Variants in DRC7 observed in about 807,000 individuals in gnomAD.
DRC7 encodes the protein dynein regulatory complex subunit 7.
In DRC7, 80 loss-of-function variants were observed where a neutral mutation model predicts 104.4. The observed-to-expected ratio is 0.77, with a 90% CI of 0.64 to 0.92. The LOEUF (loss-of-function observed/expected upper bound fraction) is 0.92, where lower values mean the gene tolerates loss of function less well. Ranked by LOEUF, DRC7 falls within the 40% of genes least tolerant of loss-of-function variation. The pLI is 0.00. For synonymous variants in DRC7, 405 were observed against 447.3 expected, an observed-to-expected ratio of 0.91 and a Z score of 1.19; for missense variants, 1,034 against 1,141.1, an observed-to-expected ratio of 0.91 and a Z score of 1.35.
intron 14 of DRC7, chr16:57,726,512 G>A (rs1299753919): frequency 1.7e-6 from 1 of 577,534 alleles, no homozygotes. Flanking sequence ...AGGCTAAGAC[G>A]ACTCTGCAGT....
intron 17 of DRC7, among the ~76,000 whole-genome samples, chr16:57,729,924 G>A (rs2049036339): frequency 7.7e-6 from 1 of 129,880 alleles, no homozygotes; most frequent in Non-Finnish European, 1.7e-5. Context: ...GTGGATGGAT[G>A]AGTGGGTGGG....
chr16:57,731,173 A>G lies in DRC7; in HGVS notation c.2540A>G (p.Glu847Gly), dbSNP rs752298452. Residue 847 changes from glutamate (E) to glycine (G), a missense_variant, in exon 19 of 19, where the codon GAA becomes GGA. Coordinates refer to ENST00000360716, the MANE Select transcript of DRC7 (RefSeq NM_001289162.2). ...ILEQRLNRHK[E>G]LAPLKYLALE... The stretch of plus-strand genomic sequence containing the variant: ...TGCCTCTCTGACTTCAGACACAAGG[A>G]ACTGGCCCCACTGAAGTACCTGGCT... The G allele has an allele frequency of 5.6e-6, 9 of 1,613,892 alleles. No homozygotes were observed. The South Asian group carries it at 8.8e-5, about 16-fold the overall frequency.
chr16:57,698,165 G>C lies in DRC7; in HGVS notation c.203+13G>C. The C allele has an allele frequency of 6.2e-7, 1 of 1,613,852 alleles. No individual in the cohort carries two copies. Among genetic ancestry groups the C allele is most frequent in the Non-Finnish European group, 8.5e-7 (1 of 1,179,970 alleles). ...CAGCGGAGCTCCCGTGAGTGTGGCA[G>C]GGTGGGGGCCCTGGCAAGGGTAGAC... On this transcript the variant is annotated intron_variant, in intron 3 of 18. Transcript: ENST00000360716.
At chr16:57,719,545 T>C (rs1284907079) in intron 9 of DRC7, among the ~76,000 whole-genome samples, 1 of 152,200 alleles carries the variant, frequency 6.6e-6, no homozygotes, top group East Asian at 1.9e-4. Context: ...GGGTCTCCTC[T>C]GTTGCCCAGG....
At chr16:57,698,513 C>A (rs1196979114) in intron 3 of DRC7, among the ~76,000 whole-genome samples, 1 of 151,052 alleles carries the variant, frequency 6.6e-6, no homozygotes, top group Admixed American at 6.6e-5. Context: ...ATAGCAAGAC[C>A]CCCCCACCCA....
At chr16:57,725,901 C>CT in intron 13 of DRC7, 167 bp from the exon 14 acceptor site, 1 of 637,836 alleles carries the variant, frequency 1.6e-6, no homozygotes, top group South Asian at 1.8e-5. Context: ...GCCCTGAGAA[C>CT]CCACGAAATC....
chr16:57,714,617 GAGTC>G, intron 8 of DRC7: 1 of 173,278 alleles, frequency 5.8e-6, no homozygotes, highest in Non-Finnish European at 1.2e-5. Context: ...CAGAGAGAGA[GAGTC>G]TCTCTCTCTC....
rs184226017 is a variant in DRC7, at chr16:57,704,100, G to A, written c.700-776G>A. ...CAGAGAACTTTCGGGTTTAAAATCCGCTTTCATGTCCATTGTGCTTGTTGC... is the reference window on the plus strand; with the variant it reads ...CAGAGAACTTTCGGGTTTAAAATCCACTTTCATGTCCATTGTGCTTGTTGC... On this transcript the variant is annotated intron_variant, in intron 6 of 18. Transcript: ENST00000360716. Among the ~76,000 whole-genome samples the A allele has an allele frequency of 1.2e-3, 175 of 151,752 alleles. 1 individual carries two copies. In the South Asian group the frequency reaches 0.012, roughly 10 times the overall value.
chr16:57,724,692 A>C lies in DRC7; in HGVS notation c.1615A>C (p.Met539Leu). The C allele has an allele frequency of 6.2e-7, 1 of 1,613,868 alleles. No homozygotes were observed. The highest frequency in any genetic ancestry group is 1.3e-5 in the African/African-American group (1 of 75,004). ...TGAAACGGCCCGTGTGGATGGCCTG[A>C]TGAAGCGGGAGGAGACACCCAGGAC... ...FYETARVDGL[M>L]KREETPRTMT... Residue 539 changes from methionine to leucine, a missense_variant, in exon 13 of 19, where the codon ATG becomes CTG. Coordinates refer to ENST00000360716, the MANE Select transcript of DRC7 (RefSeq NM_001289162.2).
At chr16:57,725,742 C>T (rs1389224669) in intron 13 of DRC7, 1 of 301,134 alleles carries the variant, frequency 3.3e-6, no homozygotes, top group East Asian at 6.2e-5. Context: ...GGCAGCATGC[C>T]AAAGAAGCTC....
At position 57,719,602 on chromosome 16, in the gene DRC7, T is replaced by C. The variant is rs530746330; in HGVS notation, c.1206+1127T>C. Among the ~76,000 whole-genome samples, 83 of 152,314 alleles carry C rather than the reference T, an allele frequency of 5.4e-4. No homozygotes were observed. The South Asian group carries it at 0.016, about 29-fold the overall frequency. On this transcript the variant is annotated intron_variant, in intron 9 of 18. Transcript: ENST00000360716. ...ATAGCTCACTGCAGCCTCGAACTCC[T>C]GGGCTCAAATGATCCTTCCACTTTG...
At chr16:57,705,646 C>CCAT (rs2048707952) in intron 7 of DRC7, among the ~76,000 whole-genome samples, 1 of 129,252 alleles carries the variant, frequency 7.7e-6, no homozygotes, top group Non-Finnish European at 1.6e-5. Flanking sequence ...CATCCTCCCA[C>CCAT]CCATCCTCCC....
intron 9 of DRC7, 70 bp from the exon 10 acceptor site, chr16:57,721,597 G>T: frequency 8.0e-7 from 1 of 1,247,180 alleles, no homozygotes; most frequent in Non-Finnish European, 1.2e-6. Flanking sequence ...CAGAGACAGA[G>T]CTTTGACCAT....
Position 57,726,373 on chromosome 16 carries a change from G to A in DRC7, c.1974+90G>A, listed in dbSNP as rs1431343903. The A allele has an allele frequency of 2.3e-5, 25 of 1,098,252 alleles. No individual in the cohort carries two copies. In the Admixed American group the frequency reaches 4.6e-4, roughly 20 times the overall value. 68.0% of individuals were successfully genotyped at this position (1,098,252 alleles called of 1,614,324 possible). A position where few individuals can be genotyped will look rare whatever the true frequency, so the allele number is the denominator to read the frequency against. On this transcript the variant is annotated intron_variant, in intron 14 of 18. Coordinates refer to ENST00000360716, the MANE Select transcript of DRC7 (RefSeq NM_001289162.2). ...TCCAGCCACTTGGGAGAACCAGGAT[G>A]GGCGCTGGTGAATCCCGGCGAGGAA...
intron 12 of DRC7, 105 bp downstream of exon 12, chr16:57,723,235 C>T (rs1325404064): frequency 2.6e-5 from 36 of 1,371,580 alleles, no homozygotes; most frequent in Non-Finnish European, 3.4e-5. Context: ...ACATATTATA[C>T]ATGGGTTCTT....
At chr16:57,726,377 G>T (rs1347108920) in intron 14 of DRC7, 94 bp downstream of exon 14, 3 of 1,058,406 alleles carry the variant, frequency 2.8e-6, no homozygotes, top group Non-Finnish European at 4.3e-6. Context: ...CAGGATGGGC[G>T]CTGGTGAATC....
chr16:57,698,643 T>C (rs1333953491), intron 3 of DRC7, among the ~76,000 whole-genome samples: 2 of 152,174 alleles, frequency 1.3e-5, no homozygotes, highest in Admixed American at 1.3e-4. Context: ...TGAGCTATGA[T>C]TGTGCTATCA....
intron 8 of DRC7, among the ~76,000 whole-genome samples, chr16:57,710,929 T>G (rs959629731): frequency 6.6e-6 from 1 of 152,218 alleles, no homozygotes; most frequent in African/African-American, 2.4e-5. Flanking sequence ...TGAAGAGAGA[T>G]ATTGTTCTGT....
At chr16:57,726,803 CTG>C (rs767244443) in intron 14 of DRC7, 27 bp from the exon 15 acceptor site, 184 of 1,457,656 alleles carry the variant, frequency 1.3e-4, no homozygotes, top group Non-Finnish European at 1.4e-4. Context: ...GGCAGCCTCT[CTG>C]TGTTACTAAG....
Sources: gnomAD v4.1 joint callset for allele counts (sites outside exome capture counted in the v4.1 genomes callset) on GRCh38, gnomAD v4.1.1 for gene constraint, MANE v1.5 for transcripts, NCBI Gene and HGNC (gene_info 2026-07-23, HGNC 2026-07-21) for gene names.